FOXP1: variants seen among roughly 807,000 people sequenced by gnomAD.
FOXP1 encodes forkhead box protein P1.
FOXP1 carries 15 observed loss-of-function variants against 98.2 expected under a neutral mutation model. That is an observed-to-expected ratio of 0.15 (90% CI 0.10 to 0.24). The LOEUF is 0.24. Ranked by LOEUF, FOXP1 falls within the 10% of genes least tolerant of loss-of-function variation. FOXP1 has a pLI of 1.00. For missense variants in FOXP1, 633 were observed against 848.5 expected (o/e 0.75, Z 3.15); for synonymous variants, 371 against 314.5 (o/e 1.18, Z -1.90).
chr3:71,184,975 C>G lies in FOXP1; in HGVS notation c.180+13227G>C, dbSNP rs532781790. On this transcript the variant is annotated intron_variant, in intron 6 of 20. Transcript: ENST00000649528. The stretch of plus-strand genomic sequence containing the variant: ...TGGGAGGCCAAGGCAGGCGGATCAC[C>G]TGAGGTCAGGAGTTCCAGATCAGCC... 4.8e-4 allele frequency among the ~76,000 whole-genome samples: 73 copies of G among 152,114 alleles called. 1 individual carries two copies. In the South Asian group the frequency reaches 0.015, roughly 31 times the overall value.
intron 7 of FOXP1, among the ~76,000 whole-genome samples, chr3:71,068,866 A>G (rs186220738): frequency 1.5e-3 from 231 of 152,362 alleles, no homozygotes; most frequent in Non-Finnish European, 2.6e-3. Flanking sequence ...GTATTTCTCC[A>G]AAGAATGGCA....
intron 13 of FOXP1, among the ~76,000 whole-genome samples, chr3:70,993,674 T>C (rs980081129): frequency 3.3e-5 from 5 of 152,302 alleles, no homozygotes; most frequent in Middle Eastern, 3.4e-3. Flanking sequence ...GTAAGACATA[T>C]ATTGATTTCC....
intron 3 of FOXP1, among the ~76,000 whole-genome samples, chr3:71,370,631 A>G (rs1014890440): frequency 1.8e-4 from 28 of 152,052 alleles, no homozygotes; most frequent in African/African-American, 6.3e-4. Context: ...TTATCTTCCC[A>G]TGAGACTAGT....
At chr3:71,115,805 C>T (rs929094957) in intron 6 of FOXP1, among the ~76,000 whole-genome samples, 1 of 148,174 alleles carries the variant, frequency 6.7e-6, no homozygotes, top group African/African-American at 2.5e-5. Flanking sequence ...AGTGCAACCT[C>T]GGTTCACTGC....
At chr3:71,221,800 GCGTTGC>G (rs2065408741) in intron 5 of FOXP1, among the ~76,000 whole-genome samples, 1 of 152,146 alleles carries the variant, frequency 6.6e-6, no homozygotes, top group Non-Finnish European at 1.5e-5. Flanking sequence ...TTACAACTCT[GCGTTGC>G]AGACTCAATG....
chr3:71,207,311 A>T (rs6549381), intron 5 of FOXP1, among the ~76,000 whole-genome samples: 3 of 150,958 alleles, frequency 2.0e-5, no homozygotes, highest in Non-Finnish European at 2.9e-5. Flanking sequence ...TTCATAACAT[A>T]GATTAATGAC....
intron 5 of FOXP1, among the ~76,000 whole-genome samples, chr3:71,212,048 G>A (rs2064511415): frequency 6.6e-6 from 1 of 152,160 alleles, no homozygotes; most frequent in Non-Finnish European, 1.5e-5. Context: ...CAGAGGCTCT[G>A]AGTGGAACCA....
intron 6 of FOXP1, among the ~76,000 whole-genome samples, chr3:71,127,023 T>G (rs928653626): frequency 3.9e-5 from 6 of 152,118 alleles, no homozygotes; most frequent in Non-Finnish European, 8.8e-5. Flanking sequence ...TTTTCAAATC[T>G]AATTTCTATA....
At chr3:71,576,048 A>G (rs1467159317) in intron 2 of FOXP1, among the ~76,000 whole-genome samples, 1 of 152,266 alleles carries the variant, frequency 6.6e-6, no homozygotes, top group Non-Finnish European at 1.5e-5. Flanking sequence ...GTTTGTCCTA[A>G]GCAAATCTAT....
At chr3:71,490,435 T>G (rs1207995413) in intron 3 of FOXP1, among the ~76,000 whole-genome samples, 1 of 151,536 alleles carries the variant, frequency 6.6e-6, no homozygotes, top group Non-Finnish European at 1.5e-5. Flanking sequence ...GAAGTGGAGG[T>G]TGCAGTGAGC....
At chr3:71,538,518 C>T (rs113539196) in intron 2 of FOXP1, among the ~76,000 whole-genome samples, 59 of 152,336 alleles carry the variant, frequency 3.9e-4, no homozygotes, top group Non-Finnish European at 7.5e-4. Flanking sequence ...GGCTGAAAAA[C>T]ACTGCATTGC....
intron 5 of FOXP1, among the ~76,000 whole-genome samples, chr3:71,254,127 A>G (rs931716122): frequency 1.3e-5 from 2 of 152,232 alleles, no homozygotes; most frequent in Non-Finnish European, 2.9e-5. Flanking sequence ...TAAAATTTCT[A>G]AACATTTAAC....
intron 3 of FOXP1, among the ~76,000 whole-genome samples, chr3:71,444,648 C>G (rs1410216470): frequency 6.6e-6 from 1 of 152,190 alleles, no homozygotes; most frequent in African/African-American, 2.4e-5. Context: ...GGCCTGCCAG[C>G]TGCCTGGAAT....
intron 3 of FOXP1, among the ~76,000 whole-genome samples, chr3:71,414,206 T>C (rs918442786): frequency 3.9e-5 from 6 of 152,168 alleles, no homozygotes; most frequent in Non-Finnish European, 5.9e-5. Flanking sequence ...CTCCCTGAGA[T>C]TGTCTGCGGA....
At chr3:70,970,516 T>TTTAATTTTTTTGCCA in intron 19 of FOXP1, 1 of 555,926 alleles carries the variant, frequency 1.8e-6, no homozygotes, top group Non-Finnish European at 3.2e-6. Context: ...TAAGTGAACT[T>TTTAATTTTTTTGCCA]TTAATTTTTT....
chr3:71,298,519 A>G (rs2107548830), intron 5 of FOXP1, among the ~76,000 whole-genome samples: 1 of 152,302 alleles, frequency 6.6e-6, no homozygotes, highest in East Asian at 1.9e-4. Flanking sequence ...GCCTCAGCAA[A>G]GGGAAGTGTC....
intron 5 of FOXP1, among the ~76,000 whole-genome samples, chr3:71,230,790 G>A (rs972631295): frequency 2.0e-5 from 3 of 152,178 alleles, no homozygotes; most frequent in African/African-American, 7.2e-5. Flanking sequence ...ATTCCAAAAC[G>A]AAAGTGTTTT....
intron 5 of FOXP1, among the ~76,000 whole-genome samples, chr3:71,240,551 T>C (rs1483461606): frequency 1.2e-4 from 1 of 8,588 alleles, no homozygotes; most frequent in Non-Finnish European, 2.2e-4. Context: ...TGTTTTTTTA[T>C]TTTTTTTTTT....
intron 3 of FOXP1, among the ~76,000 whole-genome samples, chr3:71,458,068 C>T (rs2087672332): frequency 6.6e-6 from 1 of 152,162 alleles, no homozygotes; most frequent in African/African-American, 2.4e-5. Context: ...AAACCAGCTC[C>T]CCTACCAGTC....
Sources: gnomAD v4.1 joint callset for allele counts (sites outside exome capture counted in the v4.1 genomes callset) on GRCh38, gnomAD v4.1.1 for gene constraint, MANE v1.5 for transcripts, NCBI Gene and HGNC (gene_info 2026-07-23, HGNC 2026-07-21) for gene names.